The following GDA variants were observed in gnomAD, a reference collection of about 807,000 sequenced individuals.
The protein encoded by GDA is cytoplasmic PSD-95 interactor.
Under a neutral mutation model 59.6 loss-of-function variants are expected in GDA, and 18 were observed. The observed-to-expected ratio is 0.30, with a 90% confidence interval of 0.21 to 0.45. The LOEUF (loss-of-function observed/expected upper bound fraction) is 0.45, where lower values mean the gene tolerates loss of function less well. Among genes scored for constraint, GDA ranks in the 20% least tolerant of loss-of-function variants. The pLI, the probability that GDA is intolerant of heterozygous loss-of-function variation, is 1.00. For missense variants in GDA, 427 were observed against 552.3 expected (o/e 0.77, Z 2.27); for synonymous variants, 201 against 201.1 (o/e 1.00, Z 0.00).
chr9:72,225,785 G>GT lies in GDA; in HGVS notation c.822+2dup. 8.4e-7 allele frequency: 1 copy of GT among 1,184,446 alleles called. No homozygotes were observed. Among genetic ancestry groups the GT allele is most frequent in the Non-Finnish European group, 1.2e-6 (1 of 807,724 alleles). 73.4% of individuals were successfully genotyped at this position (1,184,446 alleles called of 1,614,324 possible). On this transcript the variant is annotated splice_donor_variant, in intron 8 of 13. Transcript: ENST00000358399. LOFTEE classifies it high-confidence loss of function. Reference sequence around the variant, plus strand: ...TAAAAACAATCTTTTGACAAATAAGGTAAGTTTTATATCATGACATAATCT... The same window carrying GT: ...TAAAAACAATCTTTTGACAAATAAGGTTAAGTTTTATATCATGACATAATCT...
intron 3 of GDA, among the ~76,000 whole-genome samples, chr9:72,208,124 C>T (rs930900713): frequency 6.6e-6 from 1 of 152,040 alleles, no homozygotes; most frequent in South Asian, 2.1e-4. Context: ...ATAACAACAA[C>T]AACAAAAAAT....
chr9:72,145,403 C>A (rs1410481923), upstream of GDA, among the ~76,000 whole-genome samples: 1 of 152,182 alleles, frequency 6.6e-6, no homozygotes, highest in Admixed American at 6.5e-5. Flanking sequence ...GGCAAGCCAA[C>A]CTCCCTGAAC....
At chr9:72,152,244 A>G (rs1225067976) in intron 1 of GDA, among the ~76,000 whole-genome samples, 1 of 152,126 alleles carries the variant, frequency 6.6e-6, no homozygotes, top group East Asian at 1.9e-4. Flanking sequence ...CACAAAGCTT[A>G]CTCTGTCCTT....
chr9:72,205,770 T>G (rs556143926), intron 3 of GDA, among the ~76,000 whole-genome samples: 1 of 152,332 alleles, frequency 6.6e-6, no homozygotes, highest in East Asian at 1.9e-4. Flanking sequence ...TTGCAGTTCC[T>G]TATAAACTCA....
At chr9:72,151,296 A>G (rs1011608564) in intron 1 of GDA, among the ~76,000 whole-genome samples, 2 of 152,160 alleles carry the variant, frequency 1.3e-5, no homozygotes, top group African/African-American at 4.8e-5. Flanking sequence ...AATTGAATAC[A>G]AAGGTGAGTT....
At chr9:72,150,817 G>C (rs886611763) in intron 1 of GDA, among the ~76,000 whole-genome samples, 6 of 152,166 alleles carry the variant, frequency 3.9e-5, no homozygotes, top group African/African-American at 1.2e-4. Flanking sequence ...GCCTGCTGTT[G>C]TGTTTCCAAG....
intron 1 of GDA, among the ~76,000 whole-genome samples, chr9:72,166,612 T>C (rs1829346031): frequency 6.6e-6 from 1 of 152,214 alleles, no homozygotes; most frequent in Non-Finnish European, 1.5e-5. Flanking sequence ...ATTCTATGCA[T>C]GTAACAAATA....
At chr9:72,193,247 G>C (rs1188187033) in intron 1 of GDA, among the ~76,000 whole-genome samples, 1 of 152,070 alleles carries the variant, frequency 6.6e-6, no homozygotes, top group Admixed American at 6.6e-5. Context: ...GTCACTATCT[G>C]GGCTTGTTTG....
chr9:72,250,910 C>A lies in GDA; in HGVS notation c.*2568C>A. ...TATTTTTGCAACCAGAACACAAAAG[C>A]AGGCTAGTCAGCTAAGGTAAATTTC... On this transcript the variant is annotated 3_prime_UTR_variant, in exon 14 of 14. Coordinates refer to ENST00000358399, the MANE Select transcript of GDA (RefSeq NM_004293.5). 1 of 1,288,466 alleles carries A rather than the reference C, an allele frequency of 7.8e-7. No homozygotes were observed. Among genetic ancestry groups the A allele is most frequent in the Non-Finnish European group, 1.1e-6 (1 of 900,502 alleles). The allele number at this position is 1,288,466 out of a possible 1,614,324, so 79.8% of individuals were successfully genotyped here. A position where few individuals can be genotyped will look rare whatever the true frequency, so the allele number is the denominator to read the frequency against.
chr9:72,160,398 C>T (rs1229552458), intron 1 of GDA, among the ~76,000 whole-genome samples: 1 of 152,228 alleles, frequency 6.6e-6, no homozygotes, highest in Non-Finnish European at 1.5e-5. Flanking sequence ...CTTATTTCCT[C>T]TCTTCACCTC....
intron 2 of GDA, among the ~76,000 whole-genome samples, chr9:72,200,937 G>T (rs1448577410): frequency 6.6e-6 from 1 of 152,144 alleles, no homozygotes. Flanking sequence ...AAGCTGACTA[G>T]TTAACAGTTA....
At chr9:72,237,174 C>T (rs1839104128) in intron 10 of GDA, among the ~76,000 whole-genome samples, 1 of 152,154 alleles carries the variant, frequency 6.6e-6, no homozygotes, top group Non-Finnish European at 1.5e-5. Context: ...TGGGGATCCA[C>T]ACTGGCACCA....
At chr9:72,164,551 AGTG>A (rs1829049767) in intron 1 of GDA, among the ~76,000 whole-genome samples, 1 of 152,204 alleles carries the variant, frequency 6.6e-6, no homozygotes, top group African/African-American at 2.4e-5. Context: ...AAAAATGTGT[AGTG>A]TTTTATCATA....
At chr9:72,129,626 C>T (rs1032283117) in intron 1 of GDA, among the ~76,000 whole-genome samples, 4 of 152,182 alleles carry the variant, frequency 2.6e-5, no homozygotes, top group Admixed American at 2.6e-4. Flanking sequence ...TATAGTTCCA[C>T]AGATGCAGTA....
intron 1 of GDA, among the ~76,000 whole-genome samples, chr9:72,191,545 C>T (rs756166781): frequency 1.7e-4 from 25 of 150,778 alleles, no homozygotes; most frequent in Non-Finnish European, 3.2e-4. Flanking sequence ...TATCTTGGCT[C>T]ACTGCAAGCT....
At chr9:72,181,839 A>C (rs7872576) in intron 1 of GDA, among the ~76,000 whole-genome samples, 27,760 of 152,046 alleles carry the variant, frequency 0.18, 2,865 homozygotes, top group African/African-American at 0.29. Flanking sequence ...TTTCCAAATA[A>C]TATACTGTTT....
intron 1 of GDA, among the ~76,000 whole-genome samples, chr9:72,163,411 T>C (rs1054582452): frequency 4.6e-5 from 7 of 152,166 alleles, no homozygotes; most frequent in African/African-American, 1.7e-4. Context: ...TACATATTGC[T>C]CTTTGAGAAA....
chr9:72,203,282 T>G (rs777469238), intron 3 of GDA, among the ~76,000 whole-genome samples: 2 of 152,224 alleles, frequency 1.3e-5, no homozygotes, highest in Non-Finnish European at 2.9e-5. Context: ...AAATTTAAAA[T>G]TAAATATTTA....
chr9:72,236,317 G>A (rs573274667), intron 10 of GDA, among the ~76,000 whole-genome samples: 1 of 152,108 alleles, frequency 6.6e-6, no homozygotes, highest in East Asian at 1.9e-4. Flanking sequence ...ATGGCCCACC[G>A]CTTGGGGATT....
Sources: allele counts gnomAD v4.1 joint callset (sites outside exome capture counted in the v4.1 genomes callset), GRCh38; gene constraint gnomAD v4.1.1; transcripts MANE v1.5; gene names NCBI Gene and HGNC (gene_info 2026-07-23, HGNC 2026-07-21).